The following APBA2 variants were observed in gnomAD, a reference collection of about 807,000 sequenced individuals.
APBA2 encodes the protein amyloid-beta A4 precursor protein-binding family A member 2.
In APBA2, 30 loss-of-function variants were observed where a neutral mutation model predicts 75.0. The observed-to-expected ratio is 0.40, with a 90% CI of 0.30 to 0.54. The LOEUF is 0.54. Ranked by LOEUF, APBA2 falls within the 20% of genes least tolerant of loss-of-function variation. APBA2 has a pLI of 0.49. For synonymous variants in APBA2, 444 were observed against 409.6 expected (o/e 1.08, Z -1.01); for missense variants, 801 against 1,016.1 (o/e 0.79, Z 2.88).
intron 6 of APBA2, among the ~76,000 whole-genome samples, chr15:29,085,402 A>G (rs7181050): frequency 0.057 from 8,662 of 151,630 alleles, 621 homozygotes; most frequent in African/African-American, 0.17. Flanking sequence ...GCGGGCGCCT[A>G]TAGTCCCAGC....
At chr15:28,914,507 C>T (rs1171033950) in intron 1 of APBA2, among the ~76,000 whole-genome samples, 135 of 152,100 alleles carry the variant, frequency 8.9e-4, no homozygotes, top group Non-Finnish European at 1.5e-3. Flanking sequence ...CCTGAGAGTG[C>T]GGCTGGATAT....
intron 3 of APBA2, among the ~76,000 whole-genome samples, chr15:29,045,245 ATTTTTTT>A (rs35591033): frequency 4.5e-5 from 6 of 134,358 alleles, no homozygotes; most frequent in East Asian, 2.1e-4. Context: ...TGCCTGGCTA[ATTTTTTT>A]TTTTTTTTTT....
chr15:29,022,960 G>T (rs1430792226), intron 3 of APBA2, among the ~76,000 whole-genome samples: 1 of 152,030 alleles, frequency 6.6e-6, no homozygotes, highest in Admixed American at 6.6e-5. Flanking sequence ...TATTGTGTAT[G>T]AAATATTTTT....
chr15:28,922,857 C>G (rs1387342840), intron 2 of APBA2, among the ~76,000 whole-genome samples: 2 of 152,200 alleles, frequency 1.3e-5, no homozygotes, highest in African/African-American at 4.8e-5. Flanking sequence ...AGGATTTATC[C>G]CACATGCACC....
intron 3 of APBA2, among the ~76,000 whole-genome samples, chr15:29,023,441 CTTTTTTTTTTTTTT>C (rs10604525): frequency 1.6e-4 from 12 of 73,292 alleles, no homozygotes; most frequent in East Asian, 4.5e-4. Flanking sequence ...TACCTTTTTC[CTTTTTTTTTTTTTT>C]TTTTTTTTTT....
chr15:28,953,977 A>G (rs867227059), intron 2 of APBA2, among the ~76,000 whole-genome samples: 2 of 152,092 alleles, frequency 1.3e-5, no homozygotes, highest in Admixed American at 6.6e-5. Context: ...TAGAGTTCTA[A>G]TTGACGTCCC....
chr15:29,106,592 C>T lies in APBA2; in HGVS notation c.1705-15C>T, dbSNP rs766507007. On this transcript the variant is annotated splice_polypyrimidine_tract_variant and intron_variant, in intron 11 of 14. Coordinates refer to ENST00000683413, the MANE Select transcript of APBA2 (RefSeq NM_001353788.2). ...CTTGCCGCCAGCCCCTCTCACACTGCTGATCCCTTTGCAGCTGCAGCTGGA... is the reference window on the plus strand; with the variant it reads ...CTTGCCGCCAGCCCCTCTCACACTGTTGATCCCTTTGCAGCTGCAGCTGGA... 3.1e-6 allele frequency: 5 copies of T among 1,612,918 alleles called. No homozygotes were observed. The highest frequency in any genetic ancestry group is 3.3e-5 in the Admixed American group (2 of 59,988).
intron 1 of APBA2, among the ~76,000 whole-genome samples, chr15:28,894,947 C>A (rs992451751): frequency 6.6e-6 from 1 of 152,018 alleles, no homozygotes; most frequent in Admixed American, 6.6e-5. Flanking sequence ...GCAGCTCCTG[C>A]GTCATTGGGG....
Position 29,117,134 on chromosome 15 carries a change from G to C in APBA2, c.*1G>C. 1.2e-6 allele frequency: 2 copies of C among 1,612,714 alleles called. No homozygotes were observed. The highest frequency in any genetic ancestry group is 8.5e-7 in the Non-Finnish European group (1 of 1,179,716). On this transcript the variant is annotated 3_prime_UTR_variant, in exon 15 of 15. Coordinates refer to ENST00000683413, the MANE Select transcript of APBA2 (RefSeq NM_001353788.2). ...TCAGGAGACCCCGCTGTACATCTAG[G>C]CCACCCCAGCCTGGCCACGCAGCCA... is the stretch of plus-strand genomic sequence containing the variant.
At chr15:29,007,202 A>G (rs932509657) in intron 3 of APBA2, among the ~76,000 whole-genome samples, 2 of 152,212 alleles carry the variant, frequency 1.3e-5, no homozygotes, top group African/African-American at 4.8e-5. Flanking sequence ...ACTGAAAACA[A>G]TATAAAAACA....
intron 4 of APBA2, among the ~76,000 whole-genome samples, chr15:29,061,699 A>C (rs901558040): frequency 5.9e-5 from 9 of 152,264 alleles, no homozygotes; most frequent in East Asian, 3.9e-4. Context: ...ACCTTCTGAG[A>C]GTGTGATAGG....
intron 8 of APBA2, among the ~76,000 whole-genome samples, chr15:29,098,136 C>G (rs991836446): frequency 1.3e-5 from 2 of 152,122 alleles, no homozygotes; most frequent in South Asian, 2.1e-4. Context: ...CTCCTAGACA[C>G]GCTGATTTCA....
intron 1 of APBA2, among the ~76,000 whole-genome samples, chr15:28,897,511 G>T (rs2032570719): frequency 6.6e-6 from 1 of 150,812 alleles, no homozygotes; most frequent in African/African-American, 2.4e-5. Flanking sequence ...CCAGCTACTC[G>T]GGAGGTTGAG....
chr15:28,894,718 T>A (rs1026894375), intron 1 of APBA2, among the ~76,000 whole-genome samples: 1 of 152,130 alleles, frequency 6.6e-6, no homozygotes, highest in Non-Finnish European at 1.5e-5. Flanking sequence ...TAACAACGCA[T>A]AGTTTACCAA....
intron 6 of APBA2, among the ~76,000 whole-genome samples, chr15:29,087,267 A>T (rs555549260): frequency 0.011 from 1,594 of 143,022 alleles, 14 homozygotes; most frequent in Middle Eastern, 0.05. Context: ...TTTTTTTTAA[A>T]AAAAATTATT....
At chr15:29,034,704 T>A (rs902622194) in intron 3 of APBA2, among the ~76,000 whole-genome samples, 1 of 152,204 alleles carries the variant, frequency 6.6e-6, no homozygotes, top group South Asian at 2.1e-4. Context: ...AATGAAGTGT[T>A]ACCCTACAGC....
At chr15:28,925,095 G>A (rs2034187898) in intron 2 of APBA2, among the ~76,000 whole-genome samples, 3 of 152,006 alleles carry the variant, frequency 2.0e-5, no homozygotes, top group African/African-American at 7.2e-5. Context: ...ATGGTTGTTG[G>A]ATTTTTGTCA....
intron 3 of APBA2, among the ~76,000 whole-genome samples, chr15:29,043,693 G>A (rs2041165217): frequency 6.6e-6 from 1 of 152,184 alleles, no homozygotes; most frequent in Non-Finnish European, 1.5e-5. Context: ...TGCTAACACT[G>A]ATTTATCTAG....
intron 3 of APBA2, among the ~76,000 whole-genome samples, chr15:29,050,116 A>C (rs927257333): frequency 6.6e-6 from 1 of 152,198 alleles, no homozygotes; most frequent in Non-Finnish European, 1.5e-5. Flanking sequence ...TGGAGAGGAA[A>C]TTGTATCAGC....
Sources: allele counts gnomAD v4.1 joint callset (sites outside exome capture counted in the v4.1 genomes callset), GRCh38; gene constraint gnomAD v4.1.1; transcripts MANE v1.5; gene names NCBI Gene and HGNC (gene_info 2026-07-23, HGNC 2026-07-21).